The following PSG1 variants were observed in gnomAD, a reference collection of about 807,000 sequenced individuals.
The protein encoded by PSG1 is pregnancy-specific beta-1-glycoprotein 1.
In PSG1, 60 loss-of-function variants were observed where a neutral mutation model predicts 41.4. The ratio of observed to expected loss-of-function variants is 1.45; its 90% CI spans 1.18 to 1.80. The LOEUF is 1.80. PSG1 is among the 40% of genes most tolerant of loss of function. The probability of loss-of-function intolerance (pLI) is 0.00; values close to 1 mark genes in which losing one functional copy is unlikely to be tolerated. For missense variants in PSG1, 806 were observed against 516.9 expected, an observed-to-expected ratio of 1.56 and a Z score of -5.42; for synonymous variants, 256 against 192.9, an observed-to-expected ratio of 1.33 and a Z score of -2.71.
At position 42,872,000 on chromosome 19, in the gene PSG1, C is replaced by G. The variant is rs763015823; in HGVS notation, c.476G>C (p.Arg159Thr). 1.1e-5 allele frequency: 17 copies of G among 1,612,232 alleles called. No individual in the cohort carries two copies. Among genetic ancestry groups the G allele is most frequent in the Non-Finnish European group, 1.4e-5 (16 of 1,179,164 alleles). Reference protein sequence around the residue: ...PSISSSNLNPRETMEAVSLTC... With the variant: ...PSISSSNLNPTETMEAVSLTC... ...TAAGCTCACAGCCTCCATGGTCTCC[C>G]TGGGATTTAAGTTGCTGCTGGAGAT... Residue 159 changes from arginine (R) to threonine (T), a missense_variant, in exon 3 of 6, where the codon AGG (arginine) becomes ACG (threonine). Coordinates refer to ENST00000436291, the MANE Select transcript of PSG1 (RefSeq NM_001184825.2).
In PSG1 at chr19:42,868,010, C is replaced by G; in HGVS notation, c.1243+91G>C. On this transcript the variant is annotated intron_variant, in intron 5 of 5. Coordinates refer to ENST00000436291, the MANE Select transcript of PSG1 (RefSeq NM_001184825.2). ...TTTGCTTGTGCCCATGGGACACAGG[C>G]TGGGAATACAATTGTTTTCCTGACT... The G allele has an allele frequency of 6.2e-6, 10 of 1,609,356 alleles. No homozygotes were observed. The South Asian group carries it at 1.1e-4, about 18-fold the overall frequency.
At chr19:42,876,491 T>C (rs894875063) in intron 2 of PSG1, among the ~76,000 whole-genome samples, 3 of 151,408 alleles carry the variant, frequency 2.0e-5, no homozygotes, top group African/African-American at 4.9e-5. Context: ...AGATCCAATC[T>C]CTAAAGAGGT....
chr19:42,867,068 G>C lies in PSG1; in HGVS notation c.*66C>G, dbSNP rs1368103240. The C allele has an allele frequency of 5.2e-6, 4 of 772,310 alleles. No homozygotes were observed. The highest frequency in any genetic ancestry group is 9.6e-6 in the Non-Finnish European group (4 of 417,542). 47.8% of individuals were successfully genotyped at this position (772,310 alleles called of 1,614,324 possible). ...CCACCTCCAGCTTATAGGGCTTCTG[G>C]AACAGAGTGGGTCTTGCTCTTAGTG... is the stretch of plus-strand genomic sequence containing the variant. On this transcript the variant is annotated 3_prime_UTR_variant, in exon 6 of 6. Coordinates refer to ENST00000436291, the MANE Select transcript of PSG1 (RefSeq NM_001184825.2).
Position 42,878,125 on chromosome 19 carries a change from C to G in PSG1, c.218G>C (p.Arg73Thr), listed in dbSNP as rs1064480. The change falls in exon 2 of 6, where the codon AGG becomes ACG. Residue 73 changes from arginine to threonine, a missense_variant. Transcript: ENST00000436291. ...TGATGTAATGTAATGGTAGAGGTCCCTCATTTGCCCTTTGTACCAGATGTA... is the reference window on the plus strand; with the variant it reads ...TGATGTAATGTAATGGTAGAGGTCCGTCATTTGCCCTTTGTACCAGATGTA... ...TGYIWYKGQM[R>T]DLYHYITSYV... 6.2e-6 allele frequency: 10 copies of G among 1,612,132 alleles called. No homozygotes were observed. The highest frequency in any genetic ancestry group is 3.3e-4 in the Middle Eastern group (2 of 6,080).
chr19:42,876,960 G>A (rs1437963187), intron 2 of PSG1: 2 of 151,650 alleles, frequency 1.3e-5, no homozygotes, highest in East Asian at 1.9e-4. Context: ...TTGTGTTTGT[G>A]TGACTCTTGC....
intron 4 of PSG1, among the ~76,000 whole-genome samples, 158 bp from the exon 5 acceptor site, chr19:42,868,513 C>T (rs1971235708): frequency 6.6e-6 from 1 of 151,388 alleles, no homozygotes; most frequent in African/African-American, 2.4e-5. Flanking sequence ...GAGGTATTCC[C>T]CTGTTTCTCC....
intron 5 of PSG1, chr19:42,867,538 T>G: frequency 3.2e-6 from 2 of 620,600 alleles, no homozygotes; most frequent in South Asian, 4.1e-5. Context: ...AACATCCGAA[T>G]CAAAGCATTG....
At position 42,867,710 on chromosome 19, in the gene PSG1, G is replaced by A. The variant is rs11083664; in HGVS notation, c.1243+391C>T. The A allele has an allele frequency of 8.8e-3, 7,174 of 818,970 alleles. 453 individuals carry two copies. In the African/African-American group the frequency reaches 0.11, roughly 12 times the overall value. The allele number at this position is 818,970 out of a possible 1,614,324, so 50.7% of individuals were successfully genotyped here. A position where few individuals can be genotyped will look rare whatever the true frequency, so the allele number is the denominator to read the frequency against. On this transcript the variant is annotated intron_variant, in intron 5 of 5. Coordinates refer to ENST00000436291, the MANE Select transcript of PSG1 (RefSeq NM_001184825.2). ...AAGCAAAAGTAAATGTTTCAATTACGGTTCCCAGAAGTATAGTTTATTGAA... is the reference window on the plus strand; with the variant it reads ...AAGCAAAAGTAAATGTTTCAATTACAGTTCCCAGAAGTATAGTTTATTGAA...
intron 3 of PSG1, among the ~76,000 whole-genome samples, 189 bp downstream of exon 3, chr19:42,871,578 C>A (rs1334979569): frequency 6.6e-6 from 1 of 151,594 alleles, no homozygotes; most frequent in African/African-American, 2.4e-5. Context: ...ACAGGAGCAG[C>A]CTCTTTTCTC....
rs150300160 is a variant in PSG1, at chr19:42,869,092, T to C, written c.710-58A>G. 4.3e-3 allele frequency: 6,880 copies of C among 1,592,384 alleles called. 350 individuals are homozygous for C. In the African/African-American group the frequency reaches 0.054, roughly 13 times the overall value. ...GTGGCACCTTTGATTCCTCCACAGG[T>C]ATCCTTCAATCAGAGTTGGCATCTC... On this transcript the variant is annotated intron_variant, in intron 3 of 5. Coordinates refer to ENST00000436291, the MANE Select transcript of PSG1 (RefSeq NM_001184825.2).
At position 42,878,402 on chromosome 19, in the gene PSG1, TACAAAC is replaced by T. The variant is rs1971714163; in HGVS notation, c.65-130_65-125del. On this transcript the variant is annotated intron_variant, in intron 1 of 5. Transcript: ENST00000436291. ...TTGACAACACAGACACACACACACA[TACAAAC>T]ACACACACACACACACACACAAAAG... 7 of 1,318,044 alleles carry T rather than the reference TACAAAC, an allele frequency of 5.3e-6. No homozygotes were observed. The East Asian group carries it at 1.7e-4, about 32-fold the overall frequency. 81.6% of individuals were successfully genotyped at this position (1,318,044 alleles called of 1,614,324 possible).
intron 1 of PSG1, among the ~76,000 whole-genome samples, chr19:42,879,132 G>C (rs1322396609): frequency 6.7e-6 from 1 of 149,444 alleles, no homozygotes; most frequent in Non-Finnish European, 1.5e-5. Flanking sequence ...CTCCAACAGA[G>C]CCTTCTTTCC....
rs376621024 is a variant in PSG1 at position 42,868,063 on chromosome 19, C to T, written c.1243+38G>A. The T allele has an allele frequency of 1.2e-4, 195 of 1,612,010 alleles. 2 individuals are homozygous for T. The highest frequency in any genetic ancestry group is 3.1e-5 in the Non-Finnish European group (37 of 1,179,044). ...TCTCTGAATGCCAGATAGACTCCAC[C>T]TAAAACCCTATTGCCAACGATGCTG... On this transcript the variant is annotated intron_variant, in intron 5 of 5. Transcript: ENST00000436291.
In PSG1 at chr19:42,868,530, A is replaced by C. The variant is rs141555309; in HGVS notation, c.989-175T>G. Among the ~76,000 whole-genome samples the C allele has an allele frequency of 9.1e-3, 1,384 of 151,390 alleles. 45 individuals are homozygous for C. Among genetic ancestry groups the C allele is most frequent in the African/African-American group, 0.031 (1,277 of 41,254 alleles). ...GGTATTCCCCTGTTTCTCCCATCACAAGCTGTGGGCCCCAAGTCTCCCATG... is the reference window on the plus strand; with the variant it reads ...GGTATTCCCCTGTTTCTCCCATCACCAGCTGTGGGCCCCAAGTCTCCCATG... On this transcript the variant is annotated intron_variant, in intron 4 of 5. Transcript: ENST00000436291.
At chr19:42,871,544 G>A (rs776619323) in intron 3 of PSG1, among the ~76,000 whole-genome samples, 1 of 151,688 alleles carries the variant, frequency 6.6e-6, no homozygotes, top group African/African-American at 2.4e-5. Flanking sequence ...CCCATCACAA[G>A]CTGTGGACCC....
At chr19:42,879,198 G>A (rs1971759267) in intron 1 of PSG1, among the ~76,000 whole-genome samples, 1 of 148,402 alleles carries the variant, frequency 6.7e-6, no homozygotes, top group Non-Finnish European at 1.5e-5. Flanking sequence ...TGTCGCCCAG[G>A]CTGGCATGCG....
chr19:42,873,796 A>G (rs1456539399), intron 2 of PSG1, among the ~76,000 whole-genome samples: 1 of 151,716 alleles, frequency 6.6e-6, no homozygotes, highest in Non-Finnish European at 1.5e-5. Context: ...TAGTAAATAT[A>G]GAAAGAACTC....
In PSG1 at chr19:42,878,808, A is replaced by T. The variant is rs143115761; in HGVS notation, c.65-530T>A. 1.3e-4 allele frequency among the ~76,000 whole-genome samples: 19 copies of T among 151,010 alleles called. 1 individual carries two copies. Among genetic ancestry groups the T allele is most frequent in the African/African-American group, 4.1e-4 (17 of 41,060 alleles). On this transcript the variant is annotated intron_variant, in intron 1 of 5. Coordinates refer to ENST00000436291, the MANE Select transcript of PSG1 (RefSeq NM_001184825.2). Reference sequence around the variant, plus strand: ...CAGGGACTTTTGTGATCTTGGTTGCACCCCAGTGCCTGGAACAGGCTGCAG... The same window carrying T: ...CAGGGACTTTTGTGATCTTGGTTGCTCCCCAGTGCCTGGAACAGGCTGCAG...
At position 42,879,547 on chromosome 19, in the gene PSG1, C is replaced by T. The variant is rs79444290; in HGVS notation, c.35G>A (p.Arg12His). 1,821 of 1,608,574 alleles carry T rather than the reference C, an allele frequency of 1.1e-3. 43 individuals carry two copies. In the African/African-American group the frequency reaches 0.018, roughly 16 times the overall value. The change falls in exon 1 of 6, where the codon CGC becomes CAC. Residue 12 changes from arginine to histidine, a missense_variant. Transcript: ENST00000436291. ...GTLSAPPCTQ[R>H]IKWKGLLLTA... ...GAGCAGGAGCCCCTTCCATTTGATG[C>T]GCTGTGTGCAGGGAGGGGCTGAGAG...
Sources: gnomAD v4.1 joint callset for allele counts (sites outside exome capture counted in the v4.1 genomes callset) on GRCh38, gnomAD v4.1.1 for gene constraint, MANE v1.5 for transcripts, NCBI Gene and HGNC (gene_info 2026-07-23, HGNC 2026-07-21) for gene names.